Variants in ERBB4 observed in about 807,000 individuals in gnomAD.
The protein encoded by ERBB4 is receptor tyrosine-protein kinase erbB-4.
A neutral mutation model predicts 158.0 loss-of-function variants in ERBB4; 42 were observed. That is an observed-to-expected ratio of 0.27 (90% CI 0.21 to 0.34). The LOEUF (loss-of-function observed/expected upper bound fraction) is 0.34. ERBB4 is among the 10% of genes least tolerant of loss of function. ERBB4 has a pLI of 1.00. For missense variants in ERBB4, 1,333 were observed against 1,624.1 expected, an observed-to-expected ratio of 0.82 and a Z score of 3.08; for synonymous variants, 583 against 558.7, an observed-to-expected ratio of 1.04 and a Z score of -0.61.
intron 2 of ERBB4, among the ~76,000 whole-genome samples, chr2:212,033,056 T>C (rs1351498778): frequency 6.6e-6 from 1 of 151,992 alleles, no homozygotes. Context: ...ATTGAGTCTA[T>C]TCATTTGGTG....
intron 20 of ERBB4, among the ~76,000 whole-genome samples, chr2:211,495,650 C>T (rs2065450273): frequency 6.6e-6 from 1 of 152,022 alleles, no homozygotes; most frequent in African/African-American, 2.4e-5. Context: ...CTCTACTAGG[C>T]ACACATCAGT....
intron 16 of ERBB4, among the ~76,000 whole-genome samples, chr2:211,646,381 G>A (rs2070783016): frequency 6.6e-6 from 1 of 151,490 alleles, no homozygotes; most frequent in Non-Finnish European, 1.5e-5. Context: ...TAACTATCAG[G>A]ATGATGAATT....
At chr2:212,251,056 C>T (rs1001445992) in intron 1 of ERBB4, among the ~76,000 whole-genome samples, 21 of 152,054 alleles carry the variant, frequency 1.4e-4, no homozygotes, top group African/African-American at 5.1e-4. Flanking sequence ...AGCAACTAAG[C>T]TTCAAGTTGA....
Position 211,837,613 on chromosome 2 carries a change from C to T in ERBB4, c.422-49454G>A, listed in dbSNP as rs139119932. Among the ~76,000 whole-genome samples, 275 of 152,186 alleles carry T rather than the reference C, an allele frequency of 1.8e-3. 1 individual carries two copies. Among genetic ancestry groups the T allele is most frequent in the African/African-American group, 6.2e-3 (258 of 41,550 alleles). On this transcript the variant is annotated intron_variant, in intron 3 of 27. Transcript: ENST00000342788. ...TGCCTAGGGTTGAATCTCCTTCTCA[C>T]TAACTAACTGGGTAGGCTTGGGCAA...
At chr2:212,122,824 G>A (rs2079798554) in intron 2 of ERBB4, among the ~76,000 whole-genome samples, 1 of 151,684 alleles carries the variant, frequency 6.6e-6, no homozygotes, top group Non-Finnish European at 1.5e-5. Context: ...TATAATGACT[G>A]TCATTTACAA....
At chr2:211,423,937 TATAAGA>T (rs904455384) in intron 23 of ERBB4, among the ~76,000 whole-genome samples, 1 of 151,966 alleles carries the variant, frequency 6.6e-6, no homozygotes, top group Non-Finnish European at 1.5e-5. Flanking sequence ...TCATGGAGAT[TATAAGA>T]ATAAAAGAGT....
chr2:211,979,809 T>C (rs1337658058), intron 2 of ERBB4, among the ~76,000 whole-genome samples: 1 of 152,202 alleles, frequency 6.6e-6, no homozygotes, highest in African/African-American at 2.4e-5. Context: ...CCTCTGATTC[T>C]TACTATCTGG....
At chr2:212,301,967 T>C (rs371155736) in intron 1 of ERBB4, among the ~76,000 whole-genome samples, 17 of 151,468 alleles carry the variant, frequency 1.1e-4, no homozygotes, top group Admixed American at 1.1e-3. Flanking sequence ...TTGGCAGGGG[T>C]ATCCTATGTC....
At chr2:211,875,098 T>G (rs964561113) in intron 3 of ERBB4, among the ~76,000 whole-genome samples, 3 of 141,640 alleles carry the variant, frequency 2.1e-5, no homozygotes, top group African/African-American at 8.6e-5. Context: ...CAGATAACGT[T>G]TTTTTTTTTC....
At chr2:211,956,929 G>A (rs2081051022) in intron 2 of ERBB4, among the ~76,000 whole-genome samples, 1 of 151,956 alleles carries the variant, frequency 6.6e-6, no homozygotes, top group South Asian at 2.1e-4. Flanking sequence ...TGAACTCTGG[G>A]TTCAAGAGAT....
intron 2 of ERBB4, among the ~76,000 whole-genome samples, chr2:212,089,933 G>C (rs2078724186): frequency 6.6e-6 from 1 of 152,122 alleles, no homozygotes; most frequent in Non-Finnish European, 1.5e-5. Context: ...AAGTTGCTTA[G>C]AGCAAGCAGC....
At chr2:211,670,276 G>A (rs1412314446) in intron 14 of ERBB4, among the ~76,000 whole-genome samples, 1 of 152,152 alleles carries the variant, frequency 6.6e-6, no homozygotes, top group Non-Finnish European at 1.5e-5. Flanking sequence ...AACCATAGTG[G>A]GAGCAATGTT....
Position 211,387,021 on chromosome 2 carries a change from A to C in ERBB4, c.3313T>G (p.Ser1105Ala), listed in dbSNP as rs763370593. 6.2e-7 allele frequency: 1 copy of C among 1,614,044 alleles called. No homozygotes were observed. Among genetic ancestry groups the C allele is most frequent in the Non-Finnish European group, 8.5e-7 (1 of 1,180,022 alleles). ...QGATAEIFDD[S>A]CCNGTLRKPV... ...TTGCGTAGGGTGCCATTACAGCAGGAGTCATCAAAAATCTCAGCAGTAGCA... is the reference window on the plus strand; with the variant it reads ...TTGCGTAGGGTGCCATTACAGCAGGCGTCATCAAAAATCTCAGCAGTAGCA... Residue 1105 changes from serine to alanine, a missense_variant, in exon 27 of 28, where the codon TCC becomes GCC. Physicochemically the swap from Ser to Ala is moderately conservative, Grantham distance 99. This residue lies in a region of ERBB4 where 252 missense variants were observed against 241.3 expected (regional missense o/e 1.04). Coordinates refer to ENST00000342788, the MANE Select transcript of ERBB4 (RefSeq NM_005235.3).
intron 20 of ERBB4, among the ~76,000 whole-genome samples, chr2:211,550,791 A>G (rs1049222157): frequency 2.0e-5 from 3 of 149,890 alleles, no homozygotes; most frequent in Non-Finnish European, 3.0e-5. Flanking sequence ...TACACTTAAT[A>G]TGATTTCTAA....
intron 2 of ERBB4, among the ~76,000 whole-genome samples, chr2:212,075,853 A>G (rs1231815843): frequency 6.6e-6 from 1 of 151,922 alleles, no homozygotes; most frequent in Non-Finnish European, 1.5e-5. Context: ...AAGAAGCACA[A>G]ATAATTCTCT....
chr2:211,853,823 A>AAGG (rs1441714249), intron 3 of ERBB4, among the ~76,000 whole-genome samples: 1 of 152,096 alleles, frequency 6.6e-6, no homozygotes, highest in Non-Finnish European at 1.5e-5. Context: ...AACATGTACA[A>AAGG]AGGAGGACAA....
chr2:211,401,240 A>G (rs1277374142), intron 25 of ERBB4, among the ~76,000 whole-genome samples: 2 of 152,118 alleles, frequency 1.3e-5, no homozygotes, highest in Non-Finnish European at 2.9e-5. Flanking sequence ...AATGAACTGA[A>G]TGATCTAACA....
intron 19 of ERBB4, among the ~76,000 whole-genome samples, chr2:211,604,111 T>C (rs1033840770): frequency 4.6e-5 from 7 of 152,208 alleles, no homozygotes; most frequent in East Asian, 3.9e-4. Flanking sequence ...TATAGGTCAA[T>C]TGATGTTGCA....
At chr2:212,087,033 G>T (rs2078635815) in intron 2 of ERBB4, among the ~76,000 whole-genome samples, 1 of 151,968 alleles carries the variant, frequency 6.6e-6, no homozygotes, top group African/African-American at 2.4e-5. Context: ...CTCCAGGAAA[G>T]ATGTATATCT....
Sources: gnomAD v4.1 joint callset for allele counts (sites outside exome capture counted in the v4.1 genomes callset) on GRCh38, gnomAD v4.1.1 for gene constraint, gnomAD v4.1.1 regional missense constraint, MANE v1.5 for transcripts, NCBI Gene and HGNC (gene_info 2026-07-23, HGNC 2026-07-21) for gene names.